The following ARPP19 variants were observed in gnomAD, a reference collection of about 807,000 sequenced individuals.
ARPP19 encodes the protein cAMP-regulated phosphoprotein 19.
In ARPP19, 8 loss-of-function variants were observed where a neutral mutation model predicts 12.0. That is an observed-to-expected ratio of 0.67 (90% CI 0.39 to 1.21). The LOEUF is 1.21. ARPP19 is among the 50% of genes most tolerant of loss of function. The pLI is 0.01. For synonymous variants in ARPP19, 47 were observed against 50.4 expected, an observed-to-expected ratio of 0.93 and a Z score of 0.29; for missense variants, 102 against 136.3, an observed-to-expected ratio of 0.75 and a Z score of 1.25.
chr15:52,568,640 G>C (rs1470015863), intron 1 of ARPP19: 3 of 469,426 alleles, frequency 6.4e-6, no homozygotes, highest in African/African-American at 4.1e-5. Context: ...CAAAAGGCAC[G>C]ATTCGGAGTA....
chr15:52,557,709 C>T (rs2077993665), intron 1 of ARPP19: 1 of 151,708 alleles, frequency 6.6e-6, no homozygotes, highest in African/African-American at 2.4e-5. Context: ...ACAGATGATC[C>T]TGATATTTGT....
Position 52,547,230 on chromosome 15 carries a change from T to C in ARPP19, c.*4704A>G, listed in dbSNP as rs2077885076. The C allele has an allele frequency of 6.6e-6, 1 of 152,198 alleles. No individual in the cohort carries two copies. The highest frequency in any genetic ancestry group is 1.9e-4 in the East Asian group (1 of 5,186). 9.4% of individuals were successfully genotyped at this position (152,198 alleles called of 1,614,324 possible). On this transcript the variant is annotated 3_prime_UTR_variant, in exon 3 of 3. Transcript: ENST00000249822. ...ACTTTAATAAGACAAAACTGCAAATTAAATCAATAGAAATTAGGTAGATCC... is the reference window on the plus strand; with the variant it reads ...ACTTTAATAAGACAAAACTGCAAATCAAATCAATAGAAATTAGGTAGATCC...
rs12232368 is a variant in ARPP19 at position 52,548,669 on chromosome 15, G to C, written c.*3265C>G. 0.087 allele frequency: 13,258 copies of C among 152,356 alleles called. 1,157 individuals are homozygous for C. Among genetic ancestry groups the C allele is most frequent in the East Asian group, 0.47 (2,424 of 5,154 alleles). 9.4% of individuals were successfully genotyped at this position (152,356 alleles called of 1,614,324 possible). On this transcript the variant is annotated 3_prime_UTR_variant, in exon 3 of 3. Transcript: ENST00000249822. ...GTTGTCAGACTGAAAAAACATAGTT[G>C]ATAAAGGGTTCAGTACTATCTGAGG...
At chr15:52,566,452 C>G (rs2078082969) in intron 1 of ARPP19, among the ~76,000 whole-genome samples, 1 of 152,182 alleles carries the variant, frequency 6.6e-6, no homozygotes. Flanking sequence ...AGCCACAGCA[C>G]AGGCCTTTTA....
At chr15:52,552,476 T>C (rs1252665352) in intron 2 of ARPP19, among the ~76,000 whole-genome samples, 2 of 150,198 alleles carry the variant, frequency 1.3e-5, no homozygotes, top group African/African-American at 4.9e-5. Context: ...TAACTCCAGC[T>C]ACTCCAGAGG....
chr15:52,564,139 A>C (rs1013555681), intron 1 of ARPP19: 2 of 1,361,538 alleles, frequency 1.5e-6, no homozygotes, highest in East Asian at 2.5e-5. Context: ...GTTGTATCGC[A>C]AACTGCTAAG....
intron 1 of ARPP19, among the ~76,000 whole-genome samples, chr15:52,567,059 T>C (rs2078090047): frequency 6.6e-6 from 1 of 152,176 alleles, no homozygotes; most frequent in Admixed American, 6.5e-5. Context: ...GAACTGATCT[T>C]CCAAATAGAA....
chr15:52,558,353 G>A (rs2078000658), intron 1 of ARPP19, among the ~76,000 whole-genome samples: 1 of 151,936 alleles, frequency 6.6e-6, no homozygotes, highest in Non-Finnish European at 1.5e-5. Flanking sequence ...AAAAGGCTGA[G>A]GCAAAATGAC....
In ARPP19 at chr15:52,548,765, A is replaced by T. The variant is rs1248580233; in HGVS notation, c.*3169T>A. ...AGGGGAGACTACTGTATTACATTTC[A>T]GCTTCCATAAAACTTTACTAATTTG... On this transcript the variant is annotated 3_prime_UTR_variant, in exon 3 of 3. Transcript: ENST00000249822. 1 of 152,630 alleles carries T rather than the reference A, an allele frequency of 6.6e-6. No individual in the cohort carries two copies. Among genetic ancestry groups the T allele is most frequent in the Non-Finnish European group, 1.5e-5 (1 of 68,056 alleles). The allele number at this position is 152,630 out of a possible 1,614,324, so 9.5% of individuals were successfully genotyped here. A position where few individuals can be genotyped will look rare whatever the true frequency, so the allele number is the denominator to read the frequency against.
rs2077929497 is a variant in ARPP19, at chr15:52,551,411, G to A, written c.*523C>T. 6.5e-6 allele frequency: 1 copy of A among 152,752 alleles called. No individual in the cohort carries two copies. The highest frequency in any genetic ancestry group is 6.5e-5 in the Admixed American group (1 of 15,290). The allele number at this position is 152,752 out of a possible 1,614,324, so 9.5% of individuals were successfully genotyped here. ...AAATTCTACTGTTAAAGCTGAAACA[G>A]GTTTAAGGCCATTCAAGTTCAAGCA... On this transcript the variant is annotated 3_prime_UTR_variant, in exon 3 of 3. Coordinates refer to ENST00000249822, the MANE Select transcript of ARPP19 (RefSeq NM_006628.6).
rs554655537 is a variant in ARPP19, at chr15:52,547,607, C to T, written c.*4327G>A. The T allele has an allele frequency of 3.9e-5, 6 of 152,234 alleles. No homozygotes were observed. The South Asian group carries it at 6.2e-4, about 16-fold the overall frequency. The allele number at this position is 152,234 out of a possible 1,614,324, so 9.4% of individuals were successfully genotyped here. ...TTAGAAGGTTGAAACTTAGTAAAAC[C>T]GTATTAAAGTCAGTGTTTTTATTCT... On this transcript the variant is annotated 3_prime_UTR_variant, in exon 3 of 3. Coordinates refer to ENST00000249822, the MANE Select transcript of ARPP19 (RefSeq NM_006628.6).
At position 52,568,916 on chromosome 15, in the gene ARPP19, G is replaced by A. The variant is rs2078114341; in HGVS notation, c.-24C>T. ...ATAGTGCTCCCTCTGCAGACGAGAC[G>A]CCGGGAAAAGATGCAATTAGCGGGT... On this transcript the variant is annotated 5_prime_UTR_variant, in exon 1 of 3. Transcript: ENST00000249822. 4 of 1,558,272 alleles carry A rather than the reference G, an allele frequency of 2.6e-6. No homozygotes were observed. The highest frequency in any genetic ancestry group is 2.5e-5 in the East Asian group (1 of 39,296).
intron 1 of ARPP19, among the ~76,000 whole-genome samples, chr15:52,562,355 TAAC>T (rs2078041449): frequency 6.6e-6 from 1 of 152,100 alleles, no homozygotes; most frequent in Non-Finnish European, 1.5e-5. Flanking sequence ...TTAAAGTCAG[TAAC>T]AACAAAAAAA....
At chr15:52,565,779 T>C (rs1234802968) in intron 1 of ARPP19, among the ~76,000 whole-genome samples, 1 of 152,246 alleles carries the variant, frequency 6.6e-6, no homozygotes, top group African/African-American at 2.4e-5. Flanking sequence ...CATTGGAAAT[T>C]TAGTTTCAGC....
At chr15:52,568,470 C>T (rs112294356) in intron 1 of ARPP19, 2,031 of 186,074 alleles carry the variant, frequency 0.011, 54 homozygotes, top group African/African-American at 0.046. Flanking sequence ...ACCGCACGCT[C>T]ACAATACAAG....
At chr15:52,558,896 C>T (rs932849070) in intron 1 of ARPP19, among the ~76,000 whole-genome samples, 1 of 151,998 alleles carries the variant, frequency 6.6e-6, no homozygotes, top group Non-Finnish European at 1.5e-5. Flanking sequence ...CTCCTGGCCT[C>T]AAAGCTATCC....
chr15:52,553,874 T>C (rs2077958219), intron 2 of ARPP19, among the ~76,000 whole-genome samples: 1 of 152,218 alleles, frequency 6.6e-6, no homozygotes, highest in South Asian at 2.1e-4. Flanking sequence ...CCAGACCTGG[T>C]CTATGGCCCA....
At chr15:52,562,312 T>G (rs1009097884) in intron 1 of ARPP19, among the ~76,000 whole-genome samples, 1 of 152,192 alleles carries the variant, frequency 6.6e-6, no homozygotes, top group Non-Finnish European at 1.5e-5. Context: ...CTTAACTATT[T>G]TCTTCCAGAC....
chr15:52,551,694 T>C lies in ARPP19; in HGVS notation c.*240A>G, dbSNP rs1189390941. The C allele has an allele frequency of 4.6e-6, 2 of 436,494 alleles. No individual in the cohort carries two copies. The highest frequency in any genetic ancestry group is 3.9e-5 in the East Asian group (1 of 25,364). The allele number at this position is 436,494 out of a possible 1,614,324, so 27.0% of individuals were successfully genotyped here. On this transcript the variant is annotated 3_prime_UTR_variant, in exon 3 of 3. Transcript: ENST00000249822. ...GTACTACACTAGAAGTTAGGTAATATATACAACTATTTTCAAGTAGTTTAC... is the reference window on the plus strand; with the variant it reads ...GTACTACACTAGAAGTTAGGTAATACATACAACTATTTTCAAGTAGTTTAC...
Sources: allele counts gnomAD v4.1 joint callset (sites outside exome capture counted in the v4.1 genomes callset), GRCh38; gene constraint gnomAD v4.1.1; transcripts MANE v1.5; gene names NCBI Gene and HGNC (gene_info 2026-07-23, HGNC 2026-07-21).